The following PACSIN2 variants were observed in gnomAD, a reference collection of about 807,000 sequenced individuals.
PACSIN2 encodes protein kinase C and casein kinase substrate in neurons 2.
In PACSIN2, 25 loss-of-function variants were observed where a neutral mutation model predicts 63.8. That is an observed-to-expected ratio of 0.39 (90% confidence interval 0.29 to 0.55). The LOEUF (loss-of-function observed/expected upper bound fraction) is 0.55, where lower values mean the gene tolerates loss of function less well. Among genes scored for constraint, PACSIN2 ranks in the 20% least tolerant of loss-of-function variants. The pLI, the probability that PACSIN2 is intolerant of heterozygous loss-of-function variation, is 0.62. For missense variants in PACSIN2, 518 were observed against 646.9 expected (o/e 0.80, Z 2.16); for synonymous variants, 255 against 256.2 (o/e 1.00, Z 0.05).
chr22:42,920,791 CACTTTT>C (rs1932136032), intron 1 of PACSIN2, among the ~76,000 whole-genome samples: 4 of 133,140 alleles, frequency 3.0e-5, no homozygotes, highest in African/African-American at 1.2e-4. Flanking sequence ...TGAATTATCA[CACTTTT>C]TTTTTTTTTT....
At chr22:42,891,244 C>T in intron 3 of PACSIN2, 62 bp from the exon 4 acceptor site, 1 of 1,076,242 alleles carries the variant, frequency 9.3e-7, no homozygotes. Flanking sequence ...CTGCTCTGCT[C>T]ACACCTCGGC....
At chr22:43,001,957 A>G (rs1394042198) in intron 1 of PACSIN2, among the ~76,000 whole-genome samples, 1 of 152,180 alleles carries the variant, frequency 6.6e-6, no homozygotes, top group African/African-American at 2.4e-5. Flanking sequence ...AAAACAGGAC[A>G]CCACTCAGTC....
chr22:42,893,936 C>T (rs1232906007), intron 2 of PACSIN2, among the ~76,000 whole-genome samples: 2 of 152,182 alleles, frequency 1.3e-5, no homozygotes, highest in Non-Finnish European at 1.5e-5. Flanking sequence ...TAAACGGGCA[C>T]CTCACGCAGA....
At chr22:42,941,308 G>C (rs1401350516) in intron 1 of PACSIN2, among the ~76,000 whole-genome samples, 1 of 152,186 alleles carries the variant, frequency 6.6e-6, no homozygotes, top group Non-Finnish European at 1.5e-5. Context: ...CTGGACATTT[G>C]GGTTGTTTGC....
rs111852095 is a variant in PACSIN2 at position 42,970,458 on chromosome 22, A to G, written c.-78+44563T>C. On this transcript the variant is annotated intron_variant, in intron 1 of 10. Coordinates refer to ENST00000263246, the MANE Select transcript of PACSIN2 (RefSeq NM_001184970.3). ...TATTCAGTAATACTGCATCAATGTTAATTTCTTAATTTCAAAAAATAAGCT... is the reference window on the plus strand; with the variant it reads ...TATTCAGTAATACTGCATCAATGTTGATTTCTTAATTTCAAAAAATAAGCT... Among the ~76,000 whole-genome samples, 198 of 152,346 alleles carry G rather than the reference A, an allele frequency of 1.3e-3. 1 individual carries two copies. Among genetic ancestry groups the G allele is most frequent in the Middle Eastern group, 6.8e-3 (2 of 294 alleles).
chr22:42,973,622 C>T (rs1230232259), intron 1 of PACSIN2, among the ~76,000 whole-genome samples: 1 of 152,250 alleles, frequency 6.6e-6, no homozygotes, highest in Admixed American at 6.5e-5. Context: ...TGCCTGTCTC[C>T]GCCCAGGTGT....
intron 1 of PACSIN2, among the ~76,000 whole-genome samples, chr22:42,920,749 T>G (rs1932131529): frequency 6.7e-6 from 1 of 150,052 alleles, no homozygotes; most frequent in East Asian, 2.0e-4. Flanking sequence ...AAATGCAAAG[T>G]TGTGAGTGGC....
At chr22:42,994,416 G>A (rs1279666749) in intron 1 of PACSIN2, among the ~76,000 whole-genome samples, 1 of 151,844 alleles carries the variant, frequency 6.6e-6, no homozygotes, top group South Asian at 2.1e-4. Flanking sequence ...CGTGTCCTGC[G>A]CCACAAAGAC....
intron 1 of PACSIN2, chr22:42,959,933 G>C (rs1044834607): frequency 6.6e-6 from 1 of 152,180 alleles, no homozygotes; most frequent in Non-Finnish European, 1.5e-5. Flanking sequence ...GTTGGCTGCC[G>C]AGATAAGGTC....
At chr22:42,976,751 A>G (rs1262113294) in intron 1 of PACSIN2, among the ~76,000 whole-genome samples, 2 of 152,244 alleles carry the variant, frequency 1.3e-5, no homozygotes, top group Non-Finnish European at 2.9e-5. Context: ...ATCATTTCAC[A>G]GATACCCCAT....
intron 7 of PACSIN2, 99 bp downstream of exon 7, chr22:42,882,085 C>A: frequency 7.1e-7 from 1 of 1,408,406 alleles, no homozygotes; most frequent in Non-Finnish European, 1.0e-6. Flanking sequence ...AGGGCAAACA[C>A]TAACATAGAG....
chr22:42,889,182 C>A (rs1929713061), intron 4 of PACSIN2, among the ~76,000 whole-genome samples: 1 of 151,850 alleles, frequency 6.6e-6, no homozygotes, highest in Non-Finnish European at 1.5e-5. Flanking sequence ...ACTGAGATGA[C>A]ATGGAACACG....
intron 1 of PACSIN2, among the ~76,000 whole-genome samples, chr22:42,948,666 T>A (rs1237527889): frequency 6.6e-6 from 1 of 152,112 alleles, no homozygotes; most frequent in African/African-American, 2.4e-5. Flanking sequence ...AAATTTTAAG[T>A]ACAAACCATG....
intron 2 of PACSIN2, among the ~76,000 whole-genome samples, chr22:42,894,920 C>T (rs1930173514): frequency 7.0e-6 from 1 of 143,818 alleles, no homozygotes; most frequent in South Asian, 2.2e-4. Context: ...CAGAGATGGG[C>T]AAGGGGAGGG....
At chr22:42,874,360 T>C (rs1021549407) in intron 10 of PACSIN2, among the ~76,000 whole-genome samples, 69 of 151,432 alleles carry the variant, frequency 4.6e-4, no homozygotes, top group African/African-American at 1.5e-3. Flanking sequence ...TTGAAGACCA[T>C]TCAAAGAAGA....
In PACSIN2 at chr22:42,877,738, C is replaced by A. The variant is rs143355880; in HGVS notation, c.1029-728G>T. On this transcript the variant is annotated intron_variant, in intron 8 of 10. Coordinates refer to ENST00000263246, the MANE Select transcript of PACSIN2 (RefSeq NM_001184970.3). Reference sequence around the variant, plus strand: ...ACACACTACGAAGACCACAGGCAGACCATCAAGCAATCCAATCAGACAGGC... The same window carrying A: ...ACACACTACGAAGACCACAGGCAGAACATCAAGCAATCCAATCAGACAGGC... Among the ~76,000 whole-genome samples, 32 of 152,298 alleles carry A rather than the reference C, an allele frequency of 2.1e-4. No homozygotes were observed. The East Asian group carries it at 6.2e-3, about 29-fold the overall frequency.
chr22:42,989,575 T>C (rs544915383), intron 1 of PACSIN2, among the ~76,000 whole-genome samples: 3 of 147,878 alleles, frequency 2.0e-5, no homozygotes, highest in East Asian at 2.0e-4. Flanking sequence ...GGCGGGTGGA[T>C]CACGAGGTCA....
rs1022902216 is a variant in PACSIN2 at position 42,874,851 on chromosome 22, G to A, written c.1348+1286C>T. The stretch of plus-strand genomic sequence containing the variant: ...TTCTGAGTCTTGGCATTGGGCATCC[G>A]CTTTTTTTTTTTTTTTTGAAAAAGA... On this transcript the variant is annotated intron_variant, in intron 10 of 10. Transcript: ENST00000263246. Among the ~76,000 whole-genome samples, 215 of 108,856 alleles carry A rather than the reference G, an allele frequency of 2.0e-3. 2 individuals carry two copies. Among genetic ancestry groups the A allele is most frequent in the African/African-American group, 6.4e-3 (194 of 30,336 alleles). The allele number at this position is 108,856 out of a possible 152,430, so 71.4% of individuals were successfully genotyped here.
chr22:42,923,574 C>A (rs890723374), intron 1 of PACSIN2, among the ~76,000 whole-genome samples: 1 of 152,150 alleles, frequency 6.6e-6, no homozygotes. Context: ...ACTACAGGCG[C>A]CCGCCACCAT....
Sources: allele counts gnomAD v4.1 joint callset (sites outside exome capture counted in the v4.1 genomes callset), GRCh38; gene constraint gnomAD v4.1.1; transcripts MANE v1.5; gene names NCBI Gene and HGNC (gene_info 2026-07-23, HGNC 2026-07-21).